The following VRK2 variants were observed in gnomAD, a reference collection of about 807,000 sequenced individuals.
VRK2 encodes the protein serine/threonine-protein kinase VRK2.
In VRK2, 60 loss-of-function variants were observed where a neutral mutation model predicts 57.6. The ratio of observed to expected loss-of-function variants is 1.04; its 90% CI spans 0.85 to 1.29. The LOEUF (loss-of-function observed/expected upper bound fraction) is 1.29. Among genes scored for constraint, VRK2 ranks in the 50% most tolerant of loss-of-function variants. VRK2 has a pLI of 0.00. For missense variants in VRK2, 705 were observed against 588.1 expected (o/e 1.20, Z -2.06); for synonymous variants, 231 against 199.2 (o/e 1.16, Z -1.35).
intron 1 of VRK2, among the ~76,000 whole-genome samples, chr2:57,921,167 G>T (rs1185636601): frequency 6.6e-6 from 1 of 151,968 alleles, no homozygotes; most frequent in African/African-American, 2.4e-5. Context: ...GAATCATCAA[G>T]GGTGCTTATT....
At chr2:57,979,486 T>G (rs1274665336) in intron 1 of VRK2, among the ~76,000 whole-genome samples, 1 of 151,086 alleles carries the variant, frequency 6.6e-6, no homozygotes, top group Non-Finnish European at 1.5e-5. Flanking sequence ...ACCAGGGATA[T>G]TGGCCTGAAA....
chr2:58,034,766 A>C (rs945058439), intron 3 of VRK2, among the ~76,000 whole-genome samples: 12 of 148,040 alleles, frequency 8.1e-5, no homozygotes, highest in African/African-American at 3.0e-4. Flanking sequence ...CAGGTTCCAG[A>C]GGTTTTTTTT....
At chr2:58,158,435 C>T (rs1194161557) in intron 12 of VRK2, among the ~76,000 whole-genome samples, 1 of 152,132 alleles carries the variant, frequency 6.6e-6, no homozygotes, top group African/African-American at 2.4e-5. Flanking sequence ...CTTTCTGACA[C>T]TTCCAAAACT....
upstream of VRK2, among the ~76,000 whole-genome samples, chr2:58,042,637 T>C (rs1031225480): frequency 3.3e-5 from 5 of 152,222 alleles, no homozygotes; most frequent in Non-Finnish European, 5.9e-5. Context: ...CTTTTTCTTT[T>C]TAACCAGTGT....
At chr2:58,151,501 C>T (rs1028191153) in intron 12 of VRK2, among the ~76,000 whole-genome samples, 3 of 151,506 alleles carry the variant, frequency 2.0e-5, no homozygotes, top group African/African-American at 4.8e-5. Flanking sequence ...AGTTGAGCCT[C>T]GCTATTTTAT....
At chr2:58,062,738 G>C (rs989851801) in intron 2 of VRK2, among the ~76,000 whole-genome samples, 23 of 152,056 alleles carry the variant, frequency 1.5e-4, no homozygotes, top group African/African-American at 5.6e-4. Flanking sequence ...TTTGAAGCTA[G>C]CAAAGGTTGG....
At chr2:57,940,260 A>C (rs146926562) in intron 1 of VRK2, among the ~76,000 whole-genome samples, 1,934 of 152,184 alleles carry the variant, frequency 0.013, 20 homozygotes, top group Non-Finnish European at 0.019. Flanking sequence ...ACCCAGGGGA[A>C]TAGATAATAT....
intron 11 of VRK2, among the ~76,000 whole-genome samples, chr2:58,144,034 TACAC>T (rs528781308): frequency 8.0e-5 from 12 of 150,550 alleles, no homozygotes; most frequent in Admixed American, 2.0e-4. Flanking sequence ...TATACATATA[TACAC>T]ACACACACAC....
At chr2:58,106,733 A>G (rs768590935) in intron 7 of VRK2, among the ~76,000 whole-genome samples, 2 of 151,660 alleles carry the variant, frequency 1.3e-5, no homozygotes, top group South Asian at 2.1e-4. Context: ...GGATAAGCAC[A>G]TGTTGCTTCC....
At chr2:57,939,482 A>T (rs962271655) in intron 1 of VRK2, among the ~76,000 whole-genome samples, 2 of 152,220 alleles carry the variant, frequency 1.3e-5, no homozygotes, top group Non-Finnish European at 1.5e-5. Flanking sequence ...TATATTTTGT[A>T]TGAAAGGTAT....
chr2:58,044,141 T>C (rs1644078718), upstream of VRK2, among the ~76,000 whole-genome samples: 1 of 152,216 alleles, frequency 6.6e-6, no homozygotes, highest in African/African-American at 2.4e-5. Flanking sequence ...CTTCTTTTTT[T>C]TGTATATATG....
chr2:58,031,695 C>T (rs530106272), intron 2 of VRK2, among the ~76,000 whole-genome samples: 10 of 152,146 alleles, frequency 6.6e-5, no homozygotes, highest in Admixed American at 1.3e-4. Context: ...AAACTTCTTC[C>T]TAAAATTTTC....
chr2:58,129,857 CATTT>C (rs1231800578), intron 8 of VRK2, among the ~76,000 whole-genome samples: 1 of 152,056 alleles, frequency 6.6e-6, no homozygotes, highest in Non-Finnish European at 1.5e-5. Context: ...TCACTGCATG[CATTT>C]ATGCAGGACT....
chr2:58,101,854 A>G (rs1335597733), intron 7 of VRK2, among the ~76,000 whole-genome samples: 4 of 151,716 alleles, frequency 2.6e-5, no homozygotes, highest in African/African-American at 9.7e-5. Context: ...ATTTCAACTT[A>G]TATTTCCAGA....
intron 1 of VRK2, among the ~76,000 whole-genome samples, chr2:57,939,920 T>C (rs531706928): frequency 6.6e-6 from 1 of 152,326 alleles, no homozygotes; most frequent in East Asian, 1.9e-4. Context: ...CATTAATTAG[T>C]AAAGATGCCC....
chr2:58,150,754 A>T (rs1442906479), intron 12 of VRK2, among the ~76,000 whole-genome samples: 3 of 150,722 alleles, frequency 2.0e-5, no homozygotes, highest in Admixed American at 2.0e-4. Context: ...TTTTTTTCTA[A>T]CGTATATAGT....
At chr2:58,157,584 G>A (rs917826412) in intron 12 of VRK2, among the ~76,000 whole-genome samples, 2 of 152,078 alleles carry the variant, frequency 1.3e-5, no homozygotes, top group Non-Finnish European at 2.9e-5. Context: ...CTCAAAGTGG[G>A]GTGTGCAGAC....
chr2:58,048,258 G>A (rs1255759755), intron 1 of VRK2, among the ~76,000 whole-genome samples: 1 of 152,148 alleles, frequency 6.6e-6, no homozygotes. Flanking sequence ...TTGGCAGCCC[G>A]AGAACTGATG....
At chr2:58,135,296 A>G (rs953184539) in intron 10 of VRK2, 97 bp downstream of exon 10, 5 of 1,329,906 alleles carry the variant, frequency 3.8e-6, no homozygotes, top group Admixed American at 1.8e-5. Context: ...ACTTGCTCCT[A>G]TTCCCATCAG....
Sources: allele counts gnomAD v4.1 joint callset (sites outside exome capture counted in the v4.1 genomes callset), GRCh38; gene constraint gnomAD v4.1.1; transcripts MANE v1.5; gene names NCBI Gene and HGNC (gene_info 2026-07-23, HGNC 2026-07-21).